SCN7A: variants seen among roughly 807,000 people sequenced by gnomAD.
The protein encoded by SCN7A is sodium voltage-gated channel alpha subunit 7, also known as sodium channel protein type 7 subunit alpha.
In SCN7A, 138 loss-of-function variants were observed where a neutral mutation model predicts 155.2. That is an observed-to-expected ratio of 0.89 (90% CI 0.77 to 1.02). The LOEUF (loss-of-function observed/expected upper bound fraction) is 1.02, where lower values mean the gene tolerates loss of function less well. SCN7A is among the 50% of genes least tolerant of loss of function. SCN7A has a pLI of 0.00. For missense variants in SCN7A, 2,058 were observed against 1,986.6 expected (o/e 1.04, Z -0.68); for synonymous variants, 693 against 649.0 (o/e 1.07, Z -1.03).
chr2:166,480,944 A>T (rs1702912418), intron 2 of SCN7A, among the ~76,000 whole-genome samples: 1 of 152,246 alleles, frequency 6.6e-6, no homozygotes, highest in African/African-American at 2.4e-5. Context: ...AACGTTAGTA[A>T]GTCATTTGTA....
chr2:166,449,524 G>A (rs892411441), intron 11 of SCN7A, among the ~76,000 whole-genome samples: 1 of 151,978 alleles, frequency 6.6e-6, no homozygotes, highest in African/African-American at 2.4e-5. Flanking sequence ...ACAAATACTA[G>A]AGCTAGAGGA....
Position 166,465,884 on chromosome 2 carries a change from C to A in SCN7A, c.768G>T (p.Met256Ile). The change falls in exon 8 of 26, where the codon ATG (methionine) becomes ATT (isoleucine). Residue 256 changes from methionine (M) to isoleucine (I), a missense_variant. Met to Ile is a conservative substitution (Grantham distance 10). Transcript: ENST00000643258. Reference sequence around the variant, plus strand: ...GTTTCAAGTTGCCCATGAAGAGCCCCATCCCAATTAGAGAAAATATGCTCA... The same window carrying A: ...GTTTCAAGTTGCCCATGAAGAGCCCAATCCCAATTAGAGAAAATATGCTCA... The part of the protein sequence containing the change: ...FFLSIFSLIG[M>I]GLFMGNLKHK... The A allele has an allele frequency of 6.2e-7, 1 of 1,613,870 alleles. No individual in the cohort carries two copies. The highest frequency in any genetic ancestry group is 8.5e-7 in the Non-Finnish European group (1 of 1,179,828).
chr2:166,456,823 T>TAGATAGATAGATAGATAG (rs756534903), intron 11 of SCN7A, 47 bp downstream of exon 11: 2 of 632,530 alleles, frequency 3.2e-6, no homozygotes, highest in East Asian at 4.0e-5. Context: ...TATATATATA[T>TAGATAGATAGATAGATAG]ATATATAGAT....
chr2:166,462,161 T>C (rs1461222539), intron 10 of SCN7A: 15 of 383,368 alleles, frequency 3.9e-5, no homozygotes, highest in Non-Finnish European at 6.5e-5. Context: ...CTTCTCTCTC[T>C]CTCTCTCTGA....
intron 7 of SCN7A, 50 bp from the exon 8 acceptor site, chr2:166,466,037 C>T (rs1302006645): frequency 7.3e-7 from 1 of 1,377,564 alleles, no homozygotes; most frequent in South Asian, 1.3e-5. Context: ...CTTAGAAAAG[C>T]ACTATTGGCA....
intron 21 of SCN7A, among the ~76,000 whole-genome samples, chr2:166,413,981 G>GTATATATATATATAAA (rs1553513526): frequency 1.9e-5 from 1 of 53,526 alleles, no homozygotes; most frequent in Non-Finnish European, 3.5e-5. Context: ...ATGTGTATGT[G>GTATATATATATATAAA]TATATATATA....
intron 15 of SCN7A, among the ~76,000 whole-genome samples, chr2:166,433,719 C>T (rs1399026499): frequency 6.6e-6 from 1 of 152,020 alleles, no homozygotes; most frequent in Non-Finnish European, 1.5e-5. Context: ...TCTGCAAACC[C>T]AGGAAGAATT....
Position 166,409,869 on chromosome 2 carries a change from G to A in SCN7A, c.3778C>T (p.Leu1260Phe), listed in dbSNP as rs1701159277. Residue 1260 changes from leucine to phenylalanine, a missense_variant, in exon 25 of 26, where the codon CTT (leucine) becomes TTT (phenylalanine). Transcript: ENST00000643258. ...ATGGCTATTGCTTGGAAACATATAA[G>A]AACCATAACAATGACATTAAAAGCT... is the stretch of plus-strand genomic sequence containing the variant. ...SQAFNVIVMV[L>F]ICFQAIAMMI... The A allele has an allele frequency of 6.4e-7, 1 of 1,568,866 alleles. No homozygotes were observed. The highest frequency in any genetic ancestry group is 1.2e-5 in the South Asian group (1 of 85,414).
At chr2:166,479,853 G>T (rs938453353) in intron 2 of SCN7A, among the ~76,000 whole-genome samples, 3 of 151,962 alleles carry the variant, frequency 2.0e-5, no homozygotes, top group Non-Finnish European at 4.4e-5. Context: ...TCAGAGATAG[G>T]GTACAAGGAA....
chr2:166,412,634 A>G lies in SCN7A; in HGVS notation c.3502T>C (p.Tyr1168His), dbSNP rs755320127. ...NIQPHFEVNI[Y>H]MYCYFINFII... Reference sequence around the variant, plus strand: ...AAGTTGATAAAGTAACAATACATGTAGATGTTGACTTCAAAATGAGGCTGT... The same window carrying G: ...AAGTTGATAAAGTAACAATACATGTGGATGTTGACTTCAAAATGAGGCTGT... The change falls in exon 23 of 26, where the codon TAC (tyrosine) becomes CAC (histidine). Residue 1168 changes from tyrosine (Y) to histidine (H), a missense_variant. Physicochemically the swap from Tyr to His is moderately conservative, Grantham distance 83. Transcript: ENST00000643258. 2.6e-6 allele frequency: 4 copies of G among 1,520,282 alleles called. 1 individual carries two copies. The South Asian group carries it at 5.4e-5, about 20-fold the overall frequency. The allele number at this position is 1,520,282 out of a possible 1,614,324, so 94.2% of individuals were successfully genotyped here.
At chr2:166,423,492 T>C (rs1701556974) in intron 18 of SCN7A, 60 bp from the exon 19 acceptor site, 4 of 1,442,820 alleles carry the variant, frequency 2.8e-6, no homozygotes, top group Admixed American at 3.1e-5. Flanking sequence ...AAAACTCTTT[T>C]GACATAAAAG....
intron 3 of SCN7A, among the ~76,000 whole-genome samples, chr2:166,475,119 T>TATATATATACAC (rs763878028): frequency 6.9e-5 from 9 of 130,154 alleles, no homozygotes; most frequent in African/African-American, 2.6e-4. Context: ...TATATATATA[T>TATATATATACAC]ACATATATAT....
chr2:166,440,764 A>C (rs1225358095), intron 15 of SCN7A: 2 of 152,212 alleles, frequency 1.3e-5, no homozygotes, highest in Non-Finnish European at 2.9e-5. Context: ...ATACAAATAC[A>C]GTAGTCCCCC....
At chr2:166,480,185 G>C (rs7575915) in intron 2 of SCN7A, among the ~76,000 whole-genome samples, 89,081 of 152,006 alleles carry the variant, frequency 0.59, 26,262 homozygotes, top group Middle Eastern at 0.66. Flanking sequence ...AGGCCGCGCA[G>C]GGTGGCTCAT....
chr2:166,463,001 C>T (rs1702448590), intron 9 of SCN7A, among the ~76,000 whole-genome samples: 1 of 152,070 alleles, frequency 6.6e-6, no homozygotes, highest in Admixed American at 6.5e-5. Context: ...ATCTTTACTA[C>T]TCCAATATTA....
intron 18 of SCN7A, among the ~76,000 whole-genome samples, chr2:166,426,873 A>T (rs1701636047): frequency 6.6e-6 from 1 of 152,096 alleles, no homozygotes; most frequent in African/African-American, 2.4e-5. Context: ...AAATTTATTT[A>T]AAAATATAGG....
At chr2:166,443,447 G>T in intron 14 of SCN7A, 56 bp downstream of exon 14, 1 of 1,439,142 alleles carries the variant, frequency 6.9e-7, no homozygotes, top group Non-Finnish European at 9.4e-7. Context: ...TTTTATGTCT[G>T]CAGACACTGA....
chr2:166,446,614 C>G (rs1702068571), intron 12 of SCN7A, among the ~76,000 whole-genome samples: 1 of 152,080 alleles, frequency 6.6e-6, no homozygotes, highest in Non-Finnish European at 1.5e-5. Context: ...AGACTTGGAA[C>G]CAGCCCAAAT....
chr2:166,465,733 T>C, intron 8 of SCN7A, 48 bp downstream of exon 8: 1 of 1,587,842 alleles, frequency 6.3e-7, no homozygotes, highest in Non-Finnish European at 8.6e-7. Flanking sequence ...CTGCTTTGCC[T>C]TTAACGAAAG....
Sources: allele counts gnomAD v4.1 joint callset (sites outside exome capture counted in the v4.1 genomes callset), GRCh38; gene constraint gnomAD v4.1.1; transcripts MANE v1.5; gene names NCBI Gene and HGNC (gene_info 2026-07-23, HGNC 2026-07-21).